Variants in STIM1 observed in about 807,000 individuals in gnomAD.
STIM1 encodes stromal interaction molecule 1.
STIM1 carries 25 observed loss-of-function variants against 74.7 expected under a neutral mutation model. The ratio of observed to expected loss-of-function variants is 0.33; its 90% CI spans 0.24 to 0.47. The LOEUF (loss-of-function observed/expected upper bound fraction) is 0.47, where lower values mean the gene tolerates loss of function less well. Among genes scored for constraint, STIM1 ranks in the 20% least tolerant of loss-of-function variants. The pLI is 1.00. For missense variants in STIM1, 728 were observed against 920.8 expected, an observed-to-expected ratio of 0.79 and a Z score of 2.71; for synonymous variants, 328 against 348.8, an observed-to-expected ratio of 0.94 and a Z score of 0.66.
chr11:4,000,699 G>A (rs1249835146), intron 2 of STIM1, among the ~76,000 whole-genome samples: 15 of 152,290 alleles, frequency 9.8e-5, no homozygotes, highest in South Asian at 6.2e-4. Flanking sequence ...CCAAAGGAAC[G>A]CAGTTCCTCA....
chr11:3,908,136 G>A (rs541922701), intron 1 of STIM1, among the ~76,000 whole-genome samples: 1 of 152,284 alleles, frequency 6.6e-6, no homozygotes. Context: ...TAAATCCTCA[G>A]TGCTAGAATA....
intron 1 of STIM1, among the ~76,000 whole-genome samples, chr11:3,946,996 C>G (rs1171112383): frequency 4.0e-5 from 6 of 151,590 alleles, no homozygotes; most frequent in African/African-American, 1.5e-4. Flanking sequence ...AATCACTTCT[C>G]TTTTGGGGGG....
intron 10 of STIM1, 112 bp from the exon 11 acceptor site, chr11:4,084,561 C>T (rs1323227916): frequency 6.1e-6 from 5 of 818,474 alleles, no homozygotes; most frequent in Non-Finnish European, 8.8e-6. Flanking sequence ...CCTTAATTAG[C>T]TCTGAGCTAC....
chr11:4,061,908 G>C (rs1399718037), intron 5 of STIM1, among the ~76,000 whole-genome samples: 1 of 152,182 alleles, frequency 6.6e-6, no homozygotes, highest in African/African-American at 2.4e-5. Flanking sequence ...ATATGATTCT[G>C]TTAATATGAA....
intron 3 of STIM1, among the ~76,000 whole-genome samples, chr11:4,046,449 C>A (rs2094194453): frequency 6.6e-6 from 1 of 152,134 alleles, no homozygotes. Context: ...TCCCTTCTCA[C>A]CTCCCATGCC....
chr11:4,059,320 G>A lies in STIM1; in HGVS notation c.537G>A (p.Leu179=), dbSNP rs2094314074. The change falls in exon 5 of 13, where the codon CTG becomes CTA. Residue 179 remains leucine (L), a synonymous_variant. Transcript: ENST00000526596. ...VTNTTMTGTV[L]KMTDRSHRQK... is the part of the protein sequence containing the mutation. ...ACACCACCATGACAGGGACTGTGCT[G>A]AAGATGACAGACCGGAGTCATCGGC... The A allele has an allele frequency of 1.2e-6, 2 of 1,614,102 alleles. No individual in the cohort carries two copies. Among genetic ancestry groups the A allele is most frequent in the African/African-American group, 2.7e-5 (2 of 75,028 alleles).
At chr11:3,899,430 G>A (rs1020284167) in intron 1 of STIM1, among the ~76,000 whole-genome samples, 3 of 152,130 alleles carry the variant, frequency 2.0e-5, no homozygotes, top group African/African-American at 7.2e-5. Context: ...AGACAATGGG[G>A]TTTTCTAGAT....
intron 2 of STIM1, among the ~76,000 whole-genome samples, chr11:4,007,145 C>T (rs549556385): frequency 6.6e-6 from 1 of 152,236 alleles, no homozygotes; most frequent in South Asian, 2.1e-4. Flanking sequence ...GCGCATGGAA[C>T]TAAATATACT....
intron 1 of STIM1, chr11:3,892,946 T>A (rs2091943334): frequency 2.9e-6 from 3 of 1,047,092 alleles, no homozygotes; most frequent in Non-Finnish European, 4.3e-6. Context: ...TATGTTTTAT[T>A]TTTAATAGAG....
chr11:3,980,769 A>G (rs2093496236), intron 2 of STIM1, among the ~76,000 whole-genome samples: 1 of 152,078 alleles, frequency 6.6e-6, no homozygotes, highest in African/African-American at 2.4e-5. Flanking sequence ...AGCATTATTG[A>G]TATTTTGGGC....
intron 2 of STIM1, among the ~76,000 whole-genome samples, chr11:4,015,761 C>T (rs2093890286): frequency 6.6e-6 from 1 of 151,918 alleles, no homozygotes; most frequent in Non-Finnish European, 1.5e-5. Flanking sequence ...TTTTTTCTCT[C>T]ATCTTGTCTT....
At position 4,045,306 on chromosome 11, in the gene STIM1, T is replaced by A. The variant is rs1050382289; in HGVS notation, c.386-10220T>A. 5.9e-5 allele frequency among the ~76,000 whole-genome samples: 9 copies of A among 152,294 alleles called. No homozygotes were observed. The South Asian group carries it at 1.2e-3, about 21-fold the overall frequency. ...TCTGTACTTTACAGGCTAGCACTTG[T>A]CTGTCTGCCTTATATCTGTGTGTCA... is the stretch of plus-strand genomic sequence containing the variant. On this transcript the variant is annotated intron_variant, in intron 3 of 12. Coordinates refer to ENST00000526596, the MANE Select transcript of STIM1 (RefSeq NM_001382567.1).
chr11:4,078,148 T>C (rs967270829), intron 7 of STIM1, among the ~76,000 whole-genome samples: 3 of 152,220 alleles, frequency 2.0e-5, no homozygotes, highest in Admixed American at 1.3e-4. Context: ...TCAGGTAGTT[T>C]TCCCCCTTTC....
intron 1 of STIM1, among the ~76,000 whole-genome samples, chr11:3,908,317 G>T (rs1261489141): frequency 1.3e-5 from 2 of 152,188 alleles, no homozygotes; most frequent in Non-Finnish European, 2.9e-5. Flanking sequence ...TATGAATGGG[G>T]AAAGTTATTT....
chr11:4,019,275 T>C (rs1005466386), intron 2 of STIM1, among the ~76,000 whole-genome samples: 8 of 152,230 alleles, frequency 5.3e-5, no homozygotes, highest in Admixed American at 3.9e-4. Context: ...CCACTACTCT[T>C]GGCATCTCCT....
rs1298731832 is a variant in STIM1 at position 3,961,661 on chromosome 11, A to G, written c.140-5891A>G. ...GTAGCTGGGATTACAGGTGTGCCCC[A>G]CCACACCTGGCTAATTTTTGTATTT... On this transcript the variant is annotated intron_variant, in intron 1 of 12. Transcript: ENST00000526596. 4.6e-5 allele frequency: 7 copies of G among 151,916 alleles called. No individual in the cohort carries two copies. In the East Asian group the frequency reaches 1.4e-3, roughly 29 times the overall value. 9.4% of individuals were successfully genotyped at this position (151,916 alleles called of 1,614,324 possible). A position where few individuals can be genotyped will look rare whatever the true frequency, so the allele number is the denominator to read the frequency against.
In STIM1 at chr11:4,022,637, A is replaced by G. The variant is rs115260744; in HGVS notation, c.271-1236A>G. 9.7e-3 allele frequency among the ~76,000 whole-genome samples: 1,472 copies of G among 152,238 alleles called. 25 individuals carry two copies. Among genetic ancestry groups the G allele is most frequent in the African/African-American group, 0.033 (1,391 of 41,530 alleles). ...TATGGCCTTTATTGTGTTGAGGTAT[A>G]TTCCTTCTATACCTAATTTGATTGC... On this transcript the variant is annotated intron_variant, in intron 2 of 12. Coordinates refer to ENST00000526596, the MANE Select transcript of STIM1 (RefSeq NM_001382567.1).
chr11:3,951,790 G>T (rs2093151724), intron 1 of STIM1, among the ~76,000 whole-genome samples: 3 of 152,148 alleles, frequency 2.0e-5, no homozygotes, highest in South Asian at 4.1e-4. Flanking sequence ...GCCATTTGAG[G>T]TGTCTGTAAT....
intron 5 of STIM1, among the ~76,000 whole-genome samples, chr11:4,069,627 A>C (rs2094390937): frequency 6.6e-6 from 1 of 152,042 alleles, no homozygotes. Flanking sequence ...AGTCATCTCC[A>C]TTTACCTACT....
Sources: allele counts gnomAD v4.1 joint callset (sites outside exome capture counted in the v4.1 genomes callset), GRCh38; gene constraint gnomAD v4.1.1; transcripts MANE v1.5; gene names NCBI Gene and HGNC (gene_info 2026-07-23, HGNC 2026-07-21).